Variants in PDE7B observed in about 807,000 individuals in gnomAD.
PDE7B encodes the protein phosphodiesterase 7B.
A neutral mutation model predicts 56.2 loss-of-function variants in PDE7B; 29 were observed. The ratio of observed to expected loss-of-function variants is 0.52; its 90% CI spans 0.38 to 0.70. The LOEUF is 0.70. PDE7B is among the 30% of genes least tolerant of loss of function. PDE7B has a pLI of 0.00. For synonymous variants in PDE7B, 197 were observed against 196.9 expected, an observed-to-expected ratio of 1.00 and a Z score of 0.00; for missense variants, 490 against 565.0, an observed-to-expected ratio of 0.87 and a Z score of 1.35.
intron 2 of PDE7B, among the ~76,000 whole-genome samples, chr6:136,047,646 C>T (rs1776538127): frequency 6.6e-6 from 1 of 152,168 alleles, no homozygotes; most frequent in South Asian, 2.1e-4. Flanking sequence ...CATACAAATA[C>T]TGAACTTCTT....
chr6:136,154,252 C>T (rs1164977145), intron 7 of PDE7B, 77 bp downstream of exon 7: 18 of 786,882 alleles, frequency 2.3e-5, no homozygotes, highest in Non-Finnish European at 3.6e-5. Flanking sequence ...AGTTACCCAA[C>T]ATATCTGAGT....
intron 2 of PDE7B, among the ~76,000 whole-genome samples, chr6:136,054,217 G>T (rs1776687473): frequency 6.6e-6 from 1 of 152,136 alleles, no homozygotes; most frequent in African/African-American, 2.4e-5. Flanking sequence ...AATCCATCTT[G>T]AATTAATTTT....
intron 1 of PDE7B, among the ~76,000 whole-genome samples, chr6:135,878,323 C>A (rs1033744562): frequency 2.6e-5 from 4 of 151,762 alleles, no homozygotes; most frequent in Non-Finnish European, 4.4e-5. Context: ...GGTCTGCTTA[C>A]GTCAGTGCTC....
chr6:136,064,122 G>T (rs979246477), intron 2 of PDE7B, among the ~76,000 whole-genome samples: 1 of 152,082 alleles, frequency 6.6e-6, no homozygotes, highest in South Asian at 2.1e-4. Context: ...TAATTGAACA[G>T]CTTTTTACTC....
chr6:135,931,590 A>C (rs919243981), intron 1 of PDE7B, among the ~76,000 whole-genome samples: 1 of 152,168 alleles, frequency 6.6e-6, no homozygotes, highest in Non-Finnish European at 1.5e-5. Context: ...CAATGATAAA[A>C]ATTTTTTCCC....
intron 2 of PDE7B, among the ~76,000 whole-genome samples, chr6:136,060,988 T>C (rs982334077): frequency 6.6e-6 from 1 of 152,230 alleles, no homozygotes; most frequent in Non-Finnish European, 1.5e-5. Flanking sequence ...GTGACTGTTG[T>C]GTAATAGATG....
At chr6:136,035,079 A>G (rs965064410) in intron 2 of PDE7B, 1 of 152,196 alleles carries the variant, frequency 6.6e-6, no homozygotes, top group East Asian at 1.9e-4. Flanking sequence ...CCTGTCTGCA[A>G]CCCATTAATT....
intron 2 of PDE7B, among the ~76,000 whole-genome samples, chr6:136,057,525 T>G (rs1046873995): frequency 9.2e-5 from 14 of 152,344 alleles, no homozygotes; most frequent in Non-Finnish European, 1.8e-4. Context: ...TGTGTCAAAT[T>G]ACATGCAAAA....
At chr6:136,061,629 A>G (rs534585588) in intron 2 of PDE7B, among the ~76,000 whole-genome samples, 17 of 152,348 alleles carry the variant, frequency 1.1e-4, no homozygotes, top group African/African-American at 2.9e-4. Flanking sequence ...TGCAGAGGTC[A>G]TATGTGTCCA....
chr6:136,068,797 G>A (rs1376649914), intron 2 of PDE7B, among the ~76,000 whole-genome samples: 1 of 152,152 alleles, frequency 6.6e-6, no homozygotes, highest in African/African-American at 2.4e-5. Flanking sequence ...GATTGTAAAT[G>A]TTTCTTAATC....
intron 1 of PDE7B, among the ~76,000 whole-genome samples, chr6:135,857,333 T>C (rs1300237528): frequency 2.0e-5 from 3 of 152,152 alleles, no homozygotes; most frequent in African/African-American, 7.2e-5. Context: ...AGGAAGTATA[T>C]AAAATATTCT....
intron 2 of PDE7B, among the ~76,000 whole-genome samples, chr6:136,010,660 G>A (rs959410325): frequency 1.3e-5 from 2 of 151,804 alleles, no homozygotes; most frequent in South Asian, 2.1e-4. Flanking sequence ...ACAGAGTCTC[G>A]CTCTGTCACC....
chr6:136,083,348 T>C (rs1456799066), intron 2 of PDE7B, among the ~76,000 whole-genome samples: 1 of 152,212 alleles, frequency 6.6e-6, no homozygotes, highest in Non-Finnish European at 1.5e-5. Flanking sequence ...GGGCTGCCTT[T>C]GGAGACCTCC....
intron 1 of PDE7B, among the ~76,000 whole-genome samples, chr6:135,854,261 C>T (rs1324424680): frequency 6.6e-6 from 1 of 152,122 alleles, no homozygotes; most frequent in African/African-American, 2.4e-5. Context: ...AAGTGGTAAG[C>T]TAATCCCAAA....
intron 1 of PDE7B, among the ~76,000 whole-genome samples, chr6:135,889,147 A>G (rs1183854326): frequency 6.6e-6 from 1 of 152,134 alleles, no homozygotes; most frequent in African/African-American, 2.4e-5. Flanking sequence ...CTTAAATTCT[A>G]AAGGAATCCT....
At chr6:136,016,543 C>T (rs1467387040) in intron 2 of PDE7B, among the ~76,000 whole-genome samples, 1 of 152,208 alleles carries the variant, frequency 6.6e-6, no homozygotes, top group Non-Finnish European at 1.5e-5. Context: ...TTTTCATTCT[C>T]ATTTTCCAGT....
chr6:136,177,015 A>C (rs1282999220), intron 9 of PDE7B, among the ~76,000 whole-genome samples: 1 of 152,132 alleles, frequency 6.6e-6, no homozygotes, highest in Non-Finnish European at 1.5e-5. Context: ...TTAAAGATGT[A>C]GTATGGCTTA....
At chr6:135,994,116 CTGTGTGTGTGTGTGTGTGTGTG>C (rs3220309) in intron 2 of PDE7B, among the ~76,000 whole-genome samples, 4 of 138,726 alleles carry the variant, frequency 2.9e-5, no homozygotes, top group South Asian at 2.5e-4. Context: ...TGTATTGGAT[CTGTGTGTGTGTGTGTGTGTGTG>C]TGTGTGTGTG....
intron 3 of PDE7B, among the ~76,000 whole-genome samples, chr6:136,131,385 C>T (rs1386726110): frequency 6.6e-6 from 1 of 151,802 alleles, no homozygotes; most frequent in East Asian, 1.9e-4. Context: ...GCCCTGACAC[C>T]ATGACTCTAT....
Sources: allele counts gnomAD v4.1 joint callset (sites outside exome capture counted in the v4.1 genomes callset), GRCh38; gene constraint gnomAD v4.1.1; transcripts MANE v1.5; gene names NCBI Gene and HGNC (gene_info 2026-07-23, HGNC 2026-07-21).